WDFY4: variants seen among roughly 807,000 people sequenced by gnomAD.
WDFY4 encodes WDFY family member 4.
In WDFY4, 169 loss-of-function variants were observed where a neutral mutation model predicts 351.9. That is an observed-to-expected ratio of 0.48 (90% CI 0.42 to 0.55). The LOEUF (loss-of-function observed/expected upper bound fraction) is 0.55, where lower values mean the gene tolerates loss of function less well. Ranked by LOEUF, WDFY4 falls within the 20% of genes least tolerant of loss-of-function variation. The pLI is 0.00. For missense variants in WDFY4, 3,803 were observed against 3,935.6 expected, an observed-to-expected ratio of 0.97 and a Z score of 0.90; for synonymous variants, 1,622 against 1,574.6, an observed-to-expected ratio of 1.03 and a Z score of -0.71.
rs1349723606 is a variant in WDFY4, at chr10:48,743,000, T to C, written c.1911T>C (p.Gly637=). 1 of 1,550,408 alleles carries C rather than the reference T, an allele frequency of 6.4e-7. No homozygotes were observed. The highest frequency in any genetic ancestry group is 2.0e-5 in the Admixed American group (1 of 50,972). ...SLLRILVTPK[G]RAAFRVSSGF... ...TCCGGATCCTGGTGACCCCCAAGGG[T>C]CGTGCTGCCTTCAGAGTCTCCAGCG... The change falls in exon 12 of 62, where the codon GGT becomes GGC. Residue 637 remains glycine, a synonymous_variant. Transcript: ENST00000325239.
intron 46 of WDFY4, 62 bp downstream of exon 46, chr10:48,900,368 A>C: frequency 7.0e-7 from 1 of 1,424,106 alleles, no homozygotes. Flanking sequence ...AGAGGGGCAG[A>C]GAACACTCAG....
At chr10:48,974,714 G>T in intron 57 of WDFY4, 148 bp from the exon 58 acceptor site, 1 of 809,392 alleles carries the variant, frequency 1.2e-6, no homozygotes. Flanking sequence ...CACACCCCCA[G>T]CTGCACAGAC....
At chr10:48,688,265 C>A (rs1172204677) in intron 1 of WDFY4, among the ~76,000 whole-genome samples, 3 of 152,184 alleles carry the variant, frequency 2.0e-5, no homozygotes, top group Non-Finnish European at 2.9e-5. Context: ...CCTCCCCATT[C>A]TTTTCTTCTT....
chr10:48,842,814 C>T (rs1185844729), intron 39 of WDFY4, among the ~76,000 whole-genome samples: 3 of 152,182 alleles, frequency 2.0e-5, no homozygotes, highest in Admixed American at 6.5e-5. Flanking sequence ...TTGCCTATCT[C>T]CTGCCAGTCA....
Position 48,743,415 on chromosome 10 carries a change from G to A in WDFY4, c.2326G>A (p.Gly776Ser), listed in dbSNP as rs578255781. The A allele has an allele frequency of 9.2e-5, 142 of 1,551,368 alleles. No individual in the cohort carries two copies. Among genetic ancestry groups the A allele is most frequent in the Non-Finnish European group, 1.2e-4 (140 of 1,146,998 alleles). Residue 776 changes from glycine (G) to serine (S), a missense_variant, in exon 12 of 62, where the codon GGC becomes AGC. By Grantham distance (56) the Gly-to-Ser change is moderately conservative. This residue lies in a region of WDFY4 where 3,054 missense variants were observed against 3,148.6 expected (regional missense o/e 0.97). Coordinates refer to ENST00000325239, the MANE Select transcript of WDFY4 (RefSeq NM_001394531.1). ...TGGCTTTCTGGACAGCATGGCCAGCGGCACCCTCCACTTGCGTGGGGACCT... is the reference window on the plus strand; with the variant it reads ...TGGCTTTCTGGACAGCATGGCCAGCAGCACCCTCCACTTGCGTGGGGACCT... ...ILGFLDSMAS[G>S]TLHLRGDLKE...
chr10:48,828,527 G>A (rs900041339), intron 36 of WDFY4, among the ~76,000 whole-genome samples: 4 of 152,154 alleles, frequency 2.6e-5, no homozygotes, highest in African/African-American at 9.7e-5. Flanking sequence ...GGGGACTGCT[G>A]GCAGCACAGG....
At chr10:48,779,703 C>T (rs765864391) in intron 18 of WDFY4, among the ~76,000 whole-genome samples, 1 of 152,196 alleles carries the variant, frequency 6.6e-6, no homozygotes, top group Admixed American at 6.5e-5. Context: ...GCCTACCTCA[C>T]AGGGCTGTGA....
rs150033264 is a variant in WDFY4 at position 48,833,658 on chromosome 10, A to T, written c.6663+949A>T. 1.1e-3 allele frequency among the ~76,000 whole-genome samples: 165 copies of T among 152,300 alleles called. 1 individual carries two copies. Among genetic ancestry groups the T allele is most frequent in the African/African-American group, 3.7e-3 (155 of 41,556 alleles). ...CTCTTTTGGAAATGCATGATCTGTG[A>T]TATATTCTAATGCCAGTGATATATT... On this transcript the variant is annotated intron_variant, in intron 39 of 61. Transcript: ENST00000325239.
At chr10:48,931,731 T>G (rs892927035) in intron 47 of WDFY4, among the ~76,000 whole-genome samples, 10 of 152,250 alleles carry the variant, frequency 6.6e-5, no homozygotes, top group African/African-American at 1.2e-4. Context: ...TGTAGAAACT[T>G]TTCCTAAATT....
At chr10:48,704,145 T>C (rs1338886722) in intron 1 of WDFY4, among the ~76,000 whole-genome samples, 1 of 152,006 alleles carries the variant, frequency 6.6e-6, no homozygotes, top group Non-Finnish European at 1.5e-5. Context: ...TTCCCATTGT[T>C]CATGCAGGAA....
At chr10:48,735,669 T>A (rs1336400595) in intron 10 of WDFY4, among the ~76,000 whole-genome samples, 2 of 152,158 alleles carry the variant, frequency 1.3e-5, no homozygotes, top group East Asian at 3.8e-4. Context: ...AGCAGTTTTT[T>A]AAAAAAATCA....
At position 48,946,864 on chromosome 10, in the gene WDFY4, C is replaced by T. The variant is rs1841068569; in HGVS notation, c.7872C>T (p.Asp2624=). The part of the protein sequence containing the change: ...RFKEVEKTEG[D]MTVQCHYYTH... ...AAGCATGTGTTTTTGTTGCAGGAGA[C>T]ATGACTGTCCAGTGCCACTACTACA... Residue 2624 remains aspartate, a synonymous_variant, in exon 51 of 62, where the codon GAC becomes GAT. Coordinates refer to ENST00000325239, the MANE Select transcript of WDFY4 (RefSeq NM_001394531.1). 6.4e-7 allele frequency: 1 copy of T among 1,551,812 alleles called. No individual in the cohort carries two copies.
chr10:48,927,575 A>G (rs111371176), intron 47 of WDFY4, among the ~76,000 whole-genome samples: 20 of 152,284 alleles, frequency 1.3e-4, no homozygotes, highest in African/African-American at 4.8e-4. Flanking sequence ...ACCAAGCTCT[A>G]AGTGTCTTAC....
rs186664854 is a variant in WDFY4 at position 48,816,650 on chromosome 10, T to A, written c.5341-595T>A. On this transcript the variant is annotated intron_variant, in intron 31 of 61. Transcript: ENST00000325239. ...TTACCTGTTTAATCAATTAATGTTA[T>A]TCAAAATAAAGCAAACAAAAGGAAT... Among the ~76,000 whole-genome samples, 447 of 152,244 alleles carry A rather than the reference T, an allele frequency of 2.9e-3. 1 individual carries two copies. The highest frequency in any genetic ancestry group is 9.9e-3 in the African/African-American group (412 of 41,558).
intron 2 of WDFY4, among the ~76,000 whole-genome samples, chr10:48,719,468 T>C (rs2132265007): frequency 6.6e-6 from 1 of 152,350 alleles, no homozygotes; most frequent in East Asian, 1.9e-4. Context: ...CTCAACTTTG[T>C]CTGGAAGCTG....
At position 48,804,313 on chromosome 10, in the gene WDFY4, G is replaced by A. The variant is rs138807491; in HGVS notation, c.4485-947G>A. Among the ~76,000 whole-genome samples the A allele has an allele frequency of 4.6e-5, 7 of 152,162 alleles. No individual in the cohort carries two copies. In the East Asian group the frequency reaches 9.6e-4, roughly 21 times the overall value. Reference sequence around the variant, plus strand: ...ATCTATTATAAACTTACTACATTTCGCACCCTGTACTTAGAGGTAAAATTC... The same window carrying A: ...ATCTATTATAAACTTACTACATTTCACACCCTGTACTTAGAGGTAAAATTC... On this transcript the variant is annotated intron_variant, in intron 25 of 61. Transcript: ENST00000325239.
chr10:48,966,920 C>T (rs543780509), intron 55 of WDFY4: 1 of 516,130 alleles, frequency 1.9e-6, no homozygotes, highest in African/African-American at 1.9e-5. Flanking sequence ...GTCTCTCTCA[C>T]ACACATACAC....
In WDFY4 at chr10:48,855,330, C is replaced by T. The variant is rs903312097; in HGVS notation, c.6664-11935C>T. Among the ~76,000 whole-genome samples, 105 of 152,202 alleles carry T rather than the reference C, an allele frequency of 6.9e-4. 2 individuals are homozygous for T. The highest frequency in any genetic ancestry group is 2.6e-4 in the Non-Finnish European group (18 of 68,002). On this transcript the variant is annotated intron_variant, in intron 39 of 61. Transcript: ENST00000325239. ...CCTTCCAGTCTCTATCACCTTCTTC[C>T]CCCAAAGTAGTCCCTCTTTTAGTAT...
At chr10:48,728,593 C>G (rs1437564393) in intron 7 of WDFY4, among the ~76,000 whole-genome samples, 1 of 152,202 alleles carries the variant, frequency 6.6e-6, no homozygotes, top group African/African-American at 2.4e-5. Flanking sequence ...ACAAGGGGGC[C>G]AAAGTCCTTT....
Sources: allele counts gnomAD v4.1 joint callset (sites outside exome capture counted in the v4.1 genomes callset), GRCh38; gene constraint gnomAD v4.1.1; regional missense constraint gnomAD v4.1.1; transcripts MANE v1.5; gene names NCBI Gene and HGNC (gene_info 2026-07-23, HGNC 2026-07-21).